SAFB2: variants seen among roughly 807,000 people sequenced by gnomAD.
SAFB2 encodes the protein scaffold attachment factor B2.
In SAFB2, 32 loss-of-function variants were observed where a neutral mutation model predicts 100.6. That is an observed-to-expected ratio of 0.32 (90% CI 0.24 to 0.43). SAFB2 has a LOEUF of 0.43. Among genes scored for constraint, SAFB2 ranks in the 20% least tolerant of loss-of-function variants. The probability of loss-of-function intolerance (pLI) is 1.00; values close to 1 mark genes in which losing one functional copy is unlikely to be tolerated. For missense variants in SAFB2, 1,185 were observed against 1,163.4 expected (o/e 1.02, Z -0.27); for synonymous variants, 500 against 439.4 (o/e 1.14, Z -1.72).
chr19:5,603,527 T>C (rs917515595), intron 11 of SAFB2, among the ~76,000 whole-genome samples: 10 of 152,160 alleles, frequency 6.6e-5, no homozygotes, highest in African/African-American at 2.4e-4. Flanking sequence ...CACACCTCCC[T>C]TGAAAGATCT....
intron 9 of SAFB2, among the ~76,000 whole-genome samples, chr19:5,606,771 C>G (rs1309705843): frequency 6.6e-6 from 1 of 152,188 alleles, no homozygotes; most frequent in Non-Finnish European, 1.5e-5. Context: ...AAAATGAAGA[C>G]AAAGTAAAGA....
In SAFB2 at chr19:5,590,422, G is replaced by C. The variant is rs199516028; in HGVS notation, c.2395-14C>G. 7.7e-5 allele frequency: 123 copies of C among 1,601,046 alleles called. No homozygotes were observed. Among genetic ancestry groups the C allele is most frequent in the South Asian group, 1.2e-4 (11 of 89,350 alleles). Reference sequence around the variant, plus strand: ...ATCTCCATAGTGCTGGAAGGCAGGAGAGGAACAGGGTGACACTGACCATGT... The same window carrying C: ...ATCTCCATAGTGCTGGAAGGCAGGACAGGAACAGGGTGACACTGACCATGT... On this transcript the variant is annotated splice_polypyrimidine_tract_variant and intron_variant, in intron 17 of 20. Coordinates refer to ENST00000252542, the MANE Select transcript of SAFB2 (RefSeq NM_014649.3).
chr19:5,594,820 T>C (rs535527342), intron 14 of SAFB2, among the ~76,000 whole-genome samples: 3 of 152,082 alleles, frequency 2.0e-5, no homozygotes, highest in African/African-American at 4.8e-5. Context: ...CCTGGCAACA[T>C]AGCCAAACCC....
rs759300938 is a variant in SAFB2, at chr19:5,610,091, C to A, written c.1200G>T (p.Arg400=). 1.2e-6 allele frequency: 2 copies of A among 1,613,740 alleles called. No homozygotes were observed. Among genetic ancestry groups the A allele is most frequent in the South Asian group, 1.1e-5 (1 of 91,074 alleles). Residue 400 remains arginine (R), a synonymous_variant, in exon 9 of 21, where the codon CGG becomes CGT. Transcript: ENST00000252542. ...IKPIIKDEKG[R]VGSGSGRNLW... is the part of the protein sequence containing the mutation. ...GGTTCCGACCAGAACCGCTGCCGACCCGACCTGGCACGAGAGGGAGATTCT... is the reference window on the plus strand; with the variant it reads ...GGTTCCGACCAGAACCGCTGCCGACACGACCTGGCACGAGAGGGAGATTCT...
At chr19:5,606,623 G>C (rs933685339) in intron 9 of SAFB2, among the ~76,000 whole-genome samples, 1 of 151,794 alleles carries the variant, frequency 6.6e-6, no homozygotes, top group African/African-American at 2.4e-5. Context: ...GTCTCTAAGG[G>C]AAAACAAAAC....
intron 12 of SAFB2, among the ~76,000 whole-genome samples, chr19:5,599,928 C>T (rs2052618355): frequency 6.6e-6 from 1 of 152,152 alleles, no homozygotes; most frequent in African/African-American, 2.4e-5. Flanking sequence ...GCCCTGAGTC[C>T]CAGGCACTTC....
chr19:5,590,352 G>T lies in SAFB2; in HGVS notation c.2451C>A (p.Asp817Glu), dbSNP rs371251193. 174 of 1,611,466 alleles carry T rather than the reference G, an allele frequency of 1.1e-4. No individual in the cohort carries two copies. Among genetic ancestry groups the T allele is most frequent in the Non-Finnish European group, 1.4e-4 (161 of 1,179,302 alleles). The stretch of plus-strand genomic sequence containing the variant: ...CGTAGCCCCCCCAGCCATCACGGGA[G>T]TCCCGGCCGTGGCGCTCTGGGGGTC... ...HGGPPERHGR[D>E]SRDGWGGYGS... Residue 817 changes from aspartate to glutamate, a missense_variant, in exon 18 of 21, where the codon GAC becomes GAA. Coordinates refer to ENST00000252542, the MANE Select transcript of SAFB2 (RefSeq NM_014649.3).
intron 9 of SAFB2, among the ~76,000 whole-genome samples, chr19:5,606,468 A>T (rs2052776985): frequency 6.6e-6 from 1 of 152,152 alleles, no homozygotes; most frequent in South Asian, 2.1e-4. Flanking sequence ...TGTACCAAAA[A>T]TTTTAAAAAT....
chr19:5,619,626 G>A (rs2053100659), intron 2 of SAFB2, among the ~76,000 whole-genome samples: 1 of 152,164 alleles, frequency 6.6e-6, no homozygotes. Flanking sequence ...GATCACCTGA[G>A]GTGAGGAGTT....
rs77802850 is a variant in SAFB2 at position 5,614,398 on chromosome 19, A to G, written c.544-871T>C. On this transcript the variant is annotated intron_variant, in intron 4 of 20. Transcript: ENST00000252542. ...TGAACTACAAAAACAGCACTCCCAA[A>G]TATTTTCTTTTTTCCTTTTCTCGAT... is the stretch of plus-strand genomic sequence containing the variant. 4.7e-3 allele frequency among the ~76,000 whole-genome samples: 717 copies of G among 152,312 alleles called. 8 individuals are homozygous for G. The highest frequency in any genetic ancestry group is 0.032 in the East Asian group (166 of 5,186).
chr19:5,590,991 A>G (rs2052386265), intron 17 of SAFB2, among the ~76,000 whole-genome samples: 1 of 152,144 alleles, frequency 6.6e-6, no homozygotes. Context: ...AGACTCAGGG[A>G]CCATTCTTGT....
intron 2 of SAFB2, among the ~76,000 whole-genome samples, chr19:5,620,258 G>A (rs1042313181): frequency 2.0e-5 from 3 of 152,104 alleles, no homozygotes; most frequent in African/African-American, 7.2e-5. Context: ...AACACATTAA[G>A]AAGAAAAAGC....
intron 14 of SAFB2, 94 bp downstream of exon 14, chr19:5,595,267 G>T: frequency 6.7e-7 from 1 of 1,494,170 alleles, no homozygotes; most frequent in Non-Finnish European, 9.0e-7. Flanking sequence ...CTGGCTCTCG[G>T]GCACACAGAC....
chr19:5,591,734 G>T lies in SAFB2; in HGVS notation c.2394+14C>A. Reference sequence around the variant, plus strand: ...TACAGTGGCCCCAGGGCTTGGCATCGGGGCTCTACTCACCTGCCCATCCCG... The same window carrying T: ...TACAGTGGCCCCAGGGCTTGGCATCTGGGCTCTACTCACCTGCCCATCCCG... On this transcript the variant is annotated intron_variant, in intron 17 of 20. Transcript: ENST00000252542. 6.2e-7 allele frequency: 1 copy of T among 1,612,946 alleles called. No individual in the cohort carries two copies. The highest frequency in any genetic ancestry group is 1.1e-5 in the South Asian group (1 of 91,044).
intron 13 of SAFB2, among the ~76,000 whole-genome samples, chr19:5,597,562 T>C (rs1287427838): frequency 6.6e-6 from 1 of 152,166 alleles, no homozygotes; most frequent in Non-Finnish European, 1.5e-5. Flanking sequence ...TGTGGTCCCA[T>C]GGCAGGCACA....
At chr19:5,610,190 A>C in intron 8 of SAFB2, 95 bp from the exon 9 acceptor site, 1 of 948,138 alleles carries the variant, frequency 1.1e-6, no homozygotes, top group Non-Finnish European at 1.7e-6. Flanking sequence ...AACCCTAACG[A>C]CGCCCAATCC....
Position 5,594,067 on chromosome 19 carries a change from CAGCCGCTGGCGCTGGCACTCG to C in SAFB2, c.2010_2030del (p.Cys672_Glu678del), listed in dbSNP as rs2052481541. 1 of 1,592,528 alleles carries C rather than the reference CAGCCGCTGGCGCTGGCACTCG, an allele frequency of 6.3e-7. No individual in the cohort carries two copies. Among genetic ancestry groups the C allele is most frequent in the African/African-American group, 1.3e-5 (1 of 74,690 alleles). On this transcript the variant is annotated inframe_deletion, in exon 15 of 21. Transcript: ENST00000252542. ...GCTCCCGCTCCATGCGCTCCCGCTC[CAGCCGCTGGCGCTGGCACTCG>C]AGCTGCAGGCGTTCCCGCTGTAGCC...
In SAFB2 at chr19:5,609,504, A is replaced by G. The variant is rs1033235413; in HGVS notation, c.1296+491T>C. On this transcript the variant is annotated intron_variant, in intron 9 of 20. Coordinates refer to ENST00000252542, the MANE Select transcript of SAFB2 (RefSeq NM_014649.3). ...TTTTTAGCAGAGACAGGGTTTCGCC[A>G]TGTTGGCCAGGCTGGTCTCCAACTC... Among the ~76,000 whole-genome samples, 4 of 152,092 alleles carry G rather than the reference A, an allele frequency of 2.6e-5. No individual in the cohort carries two copies. The East Asian group carries it at 5.8e-4, about 22-fold the overall frequency.
chr19:5,588,303 G>A (rs1484644449), intron 18 of SAFB2, among the ~76,000 whole-genome samples: 1 of 152,104 alleles, frequency 6.6e-6, no homozygotes, highest in African/African-American at 2.4e-5. Context: ...GTCCACTGCT[G>A]GTGGAAATGT....
Sources: gnomAD v4.1 joint callset for allele counts (sites outside exome capture counted in the v4.1 genomes callset) on GRCh38, gnomAD v4.1.1 for gene constraint, MANE v1.5 for transcripts, NCBI Gene and HGNC (gene_info 2026-07-23, HGNC 2026-07-21) for gene names.